Variants in IL1RAPL1 observed in about 807,000 individuals in gnomAD.
The protein encoded by IL1RAPL1 is interleukin-1 receptor accessory protein-like 1.
A neutral mutation model predicts 48.4 loss-of-function variants in IL1RAPL1; 3 were observed. The ratio of observed to expected loss-of-function variants is 0.06; its 90% confidence interval spans 0.03 to 0.16. IL1RAPL1 has a LOEUF of 0.16. Ranked by LOEUF, IL1RAPL1 falls within the 10% of genes least tolerant of loss-of-function variation. The probability of loss-of-function intolerance (pLI) is 1.00; values close to 1 mark genes in which losing one functional copy is unlikely to be tolerated. For synonymous variants in IL1RAPL1, 185 were observed against 187.7 expected (o/e 0.99, Z 0.12); for missense variants, 349 against 530.6 (o/e 0.66, Z 3.36).
At chrX:29,114,850 A>T (rs892020769) in intron 2 of IL1RAPL1, among the ~76,000 whole-genome samples, 2 of 110,775 alleles carry the variant, frequency 1.8e-5, no homozygotes, top group Admixed American at 1.9e-4. Context: ...GGCTGGTCTC[A>T]AACTCCTGAC....
chrX:28,986,084 C>T (rs1277823038), intron 2 of IL1RAPL1, among the ~76,000 whole-genome samples: 1 of 112,012 alleles, frequency 8.9e-6, no homozygotes. Context: ...GTATTAGCAT[C>T]AGGTGGCTGT....
intron 2 of IL1RAPL1, among the ~76,000 whole-genome samples, chrX:29,172,081 G>T (rs1929920034): frequency 8.9e-6 from 1 of 112,415 alleles, no homozygotes; most frequent in Non-Finnish European, 1.9e-5. Context: ...CTGCTTAGTA[G>T]CACACATGCA....
At chrX:28,925,405 G>A (rs1201929920) in intron 2 of IL1RAPL1, among the ~76,000 whole-genome samples, 1 of 111,631 alleles carries the variant, frequency 9.0e-6, no homozygotes, top group African/African-American at 3.3e-5. Context: ...AGTAATTCTT[G>A]AAGTCAATTC....
At chrX:28,781,611 A>C (rs1424873593) in intron 1 of IL1RAPL1, among the ~76,000 whole-genome samples, 1 of 110,781 alleles carries the variant, frequency 9.0e-6, no homozygotes, top group African/African-American at 3.3e-5. Context: ...GTTATATAAT[A>C]TAACCTAATC....
chrX:29,096,876 T>C (rs908378145), intron 2 of IL1RAPL1, among the ~76,000 whole-genome samples: 1 of 110,348 alleles, frequency 9.1e-6, no homozygotes. Context: ...TCAGAGACCA[T>C]GTAGAAATGT....
At chrX:28,873,523 C>CTTT (rs10554661) in intron 2 of IL1RAPL1, among the ~76,000 whole-genome samples, 23 of 56,660 alleles carry the variant, frequency 4.1e-4, no homozygotes, top group Non-Finnish European at 5.0e-4. Flanking sequence ...TTCTTTCTTT[C>CTTT]TTTTTTTTTT....
At position 29,010,631 on chromosome X, in the gene IL1RAPL1, G is replaced by A. The variant is rs1451240437; in HGVS notation, c.82+221206G>A. On this transcript the variant is annotated intron_variant, in intron 2 of 10. Coordinates refer to ENST00000378993, the MANE Select transcript of IL1RAPL1 (RefSeq NM_014271.4). ...TCAAATATCGATTTTAGTGATTGAT[G>A]TAATCTCTAAATAAGATCTAATGTG... 4.5e-5 allele frequency among the ~76,000 whole-genome samples: 5 copies of A among 111,893 alleles called. No homozygotes were observed. The South Asian group carries it at 1.5e-3, about 33-fold the overall frequency.
chrX:28,771,937 C>CAAAAA (rs5901904), intron 1 of IL1RAPL1, among the ~76,000 whole-genome samples: 3 of 41,972 alleles, frequency 7.1e-5, no homozygotes, highest in African/African-American at 9.0e-5. Context: ...GACTCCGTCT[C>CAAAAA]AAAAAAAAAA....
chrX:29,902,937 GAGC>G (rs753878864), intron 6 of IL1RAPL1, among the ~76,000 whole-genome samples: 1 of 111,224 alleles, frequency 9.0e-6, no homozygotes, highest in South Asian at 3.8e-4. Context: ...CTTGAAATTT[GAGC>G]AGATGTTGTT....
intron 6 of IL1RAPL1, among the ~76,000 whole-genome samples, chrX:29,697,822 C>T (rs1419522414): frequency 9.0e-6 from 1 of 111,607 alleles, no homozygotes; most frequent in Non-Finnish European, 1.9e-5. Flanking sequence ...GTCAGCATCT[C>T]ATTAGGAGTA....
intron 3 of IL1RAPL1, among the ~76,000 whole-genome samples, chrX:29,379,427 G>A (rs888118305): frequency 8.9e-6 from 1 of 112,076 alleles, no homozygotes; most frequent in Non-Finnish European, 1.9e-5. Context: ...TGTGGGATGG[G>A]CACCTACCTA....
chrX:29,761,503 C>CA (rs1928751790), intron 6 of IL1RAPL1, among the ~76,000 whole-genome samples: 13 of 111,385 alleles, frequency 1.2e-4, no homozygotes, highest in African/African-American at 4.3e-4. Flanking sequence ...TTTATTGAAT[C>CA]TAAAAAAAAG....
intron 3 of IL1RAPL1, among the ~76,000 whole-genome samples, chrX:29,357,073 G>T (rs1310283377): frequency 1.8e-5 from 2 of 112,015 alleles, no homozygotes; most frequent in Non-Finnish European, 3.8e-5. Context: ...TAATTTGCTA[G>T]TTATGGTGTA....
In IL1RAPL1 at chrX:29,094,948, A is replaced by C. The variant is rs192366633; in HGVS notation, c.83-187990A>C. 4.6e-5 allele frequency among the ~76,000 whole-genome samples: 5 copies of C among 108,409 alleles called. No individual in the cohort carries two copies. The East Asian group carries it at 1.4e-3, about 31-fold the overall frequency. 94.1% of individuals were successfully genotyped at this position (108,409 alleles called of 115,157 possible). A position where few individuals can be genotyped will look rare whatever the true frequency, so the allele number is the denominator to read the frequency against. ...TTTACATTGATTTTTAATTTCAGTT[A>C]AGTGAGAATTCCATCTCTTTTTTAT... On this transcript the variant is annotated intron_variant, in intron 2 of 10. Coordinates refer to ENST00000378993, the MANE Select transcript of IL1RAPL1 (RefSeq NM_014271.4).
At chrX:29,030,879 G>A (rs151313302) in intron 2 of IL1RAPL1, among the ~76,000 whole-genome samples, 11 of 111,816 alleles carry the variant, frequency 9.8e-5, no homozygotes, top group Middle Eastern at 4.6e-3. Context: ...AGTTCCTTCT[G>A]GGTGATAAGA....
intron 5 of IL1RAPL1, among the ~76,000 whole-genome samples, chrX:29,567,132 G>A (rs1156909613): frequency 2.7e-5 from 3 of 110,285 alleles, no homozygotes; most frequent in African/African-American, 9.9e-5. Context: ...TGCCCAGTAT[G>A]ATAAGTAAAA....
At chrX:28,621,861 TAGAC>T (rs1934287823) in intron 1 of IL1RAPL1, among the ~76,000 whole-genome samples, 1 of 111,679 alleles carries the variant, frequency 9.0e-6, no homozygotes, top group African/African-American at 3.3e-5. Context: ...TGTCCATAGA[TAGAC>T]AATGTATACT....
intron 1 of IL1RAPL1, among the ~76,000 whole-genome samples, chrX:28,710,119 A>C (rs1037479810): frequency 1.8e-5 from 2 of 110,942 alleles, no homozygotes; most frequent in African/African-American, 6.6e-5. Flanking sequence ...GTCAAGAAAC[A>C]CTTATGGAAG....
intron 1 of IL1RAPL1, among the ~76,000 whole-genome samples, chrX:28,760,511 G>A (rs1295162950): frequency 2.7e-5 from 3 of 111,741 alleles, no homozygotes; most frequent in South Asian, 3.7e-4. Context: ...GGCCAAGGTG[G>A]CACTAACACT....
Sources: gnomAD v4.1 joint callset for allele counts (sites outside exome capture counted in the v4.1 genomes callset) on GRCh38, gnomAD v4.1.1 for gene constraint, MANE v1.5 for transcripts, NCBI Gene and HGNC (gene_info 2026-07-23, HGNC 2026-07-21) for gene names.